Variants in C18orf32 observed in about 807,000 individuals in gnomAD.
C18orf32 encodes UPF0729 protein C18orf32.
In C18orf32, 5 loss-of-function variants were observed where a neutral mutation model predicts 7.4. The observed-to-expected ratio is 0.68, with a 90% confidence interval of 0.35 to 1.42. C18orf32 has a LOEUF of 1.42. Ranked by LOEUF, C18orf32 falls within the 40% of genes most tolerant of loss-of-function variation. The pLI, the probability that C18orf32 is intolerant of heterozygous loss-of-function variation, is 0.04. For missense variants in C18orf32, 88 were observed against 92.4 expected, an observed-to-expected ratio of 0.95 and a Z score of 0.19; for synonymous variants, 30 against 29.3, an observed-to-expected ratio of 1.02 and a Z score of -0.08.
rs1043626352 is a variant in C18orf32 at position 49,480,602 on chromosome 18, A to T, written c.*1743T>A. The T allele has an allele frequency of 6.6e-6, 1 of 151,704 alleles. No individual in the cohort carries two copies. Among genetic ancestry groups the T allele is most frequent in the African/African-American group, 2.4e-5 (1 of 41,296 alleles). The allele number at this position is 151,704 out of a possible 1,614,324, so 9.4% of individuals were successfully genotyped here. On this transcript the variant is annotated 3_prime_UTR_variant, in exon 3 of 3. Transcript: ENST00000318240. ...CAACATGACGAAACCCTGTCTCTAT[A>T]AAAAAAATTACAAAAAACATTAGCT...
At position 49,478,608 on chromosome 18, in the gene C18orf32, A is replaced by T. The variant is rs1227844343; in HGVS notation, c.*3737T>A. ...TATTTCAGGTTTATGCAGACCAGGT[A>T]GGTTTGTGTGTGTGAAACACCCATG... On this transcript the variant is annotated 3_prime_UTR_variant, in exon 3 of 3. Transcript: ENST00000318240. The T allele has an allele frequency of 6.7e-6, 1 of 150,294 alleles. No homozygotes were observed. The highest frequency in any genetic ancestry group is 1.5e-5 in the Non-Finnish European group (1 of 68,050). 9.3% of individuals were successfully genotyped at this position (150,294 alleles called of 1,614,324 possible).
rs1274586885 is a variant in C18orf32 at position 49,482,280 on chromosome 18, CAAGG to C, written c.*61_*64del. 1.7e-6 allele frequency: 2 copies of C among 1,148,936 alleles called. No individual in the cohort carries two copies. Among genetic ancestry groups the C allele is most frequent in the Non-Finnish European group, 2.6e-6 (2 of 760,388 alleles). 71.2% of individuals were successfully genotyped at this position (1,148,936 alleles called of 1,614,324 possible). On this transcript the variant is annotated 3_prime_UTR_variant, in exon 3 of 3. Coordinates refer to ENST00000318240, the MANE Select transcript of C18orf32 (RefSeq NM_001035005.4). ...CAGATAAAAAGGTCAGAGACAATTA[CAAGG>C]AAGATGCTTCATATTATCAGGTCCA...
chr18:49,484,163 TATATAC>T (rs1238708322), intron 1 of C18orf32, among the ~76,000 whole-genome samples: 15 of 66,856 alleles, frequency 2.2e-4, no homozygotes, highest in African/African-American at 8.3e-4. Context: ...TATATATATA[TATATAC>T]ACACACACAC....
At chr18:49,483,890 A>G in intron 1 of C18orf32, 119 bp from the exon 2 acceptor site, 1 of 1,185,386 alleles carries the variant, frequency 8.4e-7, no homozygotes, top group Non-Finnish European at 1.2e-6. Flanking sequence ...TAATCCCAGC[A>G]CTTTGGGAGG....
At chr18:49,482,779 T>TA (rs1371210594) in intron 2 of C18orf32, among the ~76,000 whole-genome samples, 1 of 148,756 alleles carries the variant, frequency 6.7e-6, no homozygotes, top group Non-Finnish European at 1.5e-5. Flanking sequence ...AAAAAGATAT[T>TA]AAGAGACATT....
chr18:49,485,949 C>A (rs2083737666), intron 1 of C18orf32: 1 of 151,748 alleles, frequency 6.6e-6, no homozygotes, highest in Non-Finnish European at 1.5e-5. Context: ...TGTGATGGCA[C>A]GCGCCTGTAG....
At position 49,483,673 on chromosome 18, in the gene C18orf32, G is replaced by A. The variant is rs1438164048; in HGVS notation, c.76C>T (p.Pro26Ser). 3.1e-6 allele frequency: 5 copies of A among 1,613,794 alleles called. No homozygotes were observed. Among genetic ancestry groups the A allele is most frequent in the African/African-American group, 1.3e-5 (1 of 74,994 alleles). ...YKKFLEPYIY[P>S]LVSPFVSRIW... ...CGACTAACGAAGGGGGAAACCAGAG[G>A]GTATATATATGGCTCCAGGAATTTT... Residue 26 changes from proline to serine, a missense_variant, in exon 2 of 3, where the codon CCT (proline) becomes TCT (serine). By Grantham distance (74) the Pro-to-Ser change is moderately conservative. Transcript: ENST00000318240.
chr18:49,480,127 A>G lies in C18orf32; in HGVS notation c.*2218T>C, dbSNP rs2083648857. On this transcript the variant is annotated 3_prime_UTR_variant, in exon 3 of 3. Coordinates refer to ENST00000318240, the MANE Select transcript of C18orf32 (RefSeq NM_001035005.4). ...ATCACTTTGAGGCCAGGAGTTTGAG[A>G]CTCGCTTGGGCAACAGAGCAAGACC... The G allele has an allele frequency of 6.6e-6, 1 of 151,870 alleles. No homozygotes were observed. The highest frequency in any genetic ancestry group is 2.4e-5 in the African/African-American group (1 of 41,264). The allele number at this position is 151,870 out of a possible 1,614,324, so 9.4% of individuals were successfully genotyped here.
At chr18:49,482,439 T>C in intron 2 of C18orf32, 29 bp from the exon 3 acceptor site, 1 of 1,562,830 alleles carries the variant, frequency 6.4e-7, no homozygotes, top group Non-Finnish European at 8.8e-7. Flanking sequence ...TTAGAAATTA[T>C]CATAACAAGC....
At chr18:49,482,475 T>A in intron 2 of C18orf32, 65 bp from the exon 3 acceptor site, 1 of 1,154,700 alleles carries the variant, frequency 8.7e-7, no homozygotes, top group East Asian at 2.4e-5. Flanking sequence ...ATGCCTGTAA[T>A]CCCAGCACTT....
At chr18:49,483,897 G>T (rs1488891695) in intron 1 of C18orf32, 126 bp from the exon 2 acceptor site, 1 of 1,097,886 alleles carries the variant, frequency 9.1e-7, no homozygotes, top group African/African-American at 1.6e-5. Context: ...AGCACTTTGG[G>T]AGGCAAGAGG....
intron 2 of C18orf32, among the ~76,000 whole-genome samples, chr18:49,483,053 C>T (rs1389179717): frequency 6.6e-6 from 1 of 152,100 alleles, no homozygotes; most frequent in Non-Finnish European, 1.5e-5. Context: ...CCCATCTTGA[C>T]CTCCCCAAGT....
rs545142602 is a variant in C18orf32 at position 49,481,722 on chromosome 18, T to G, written c.*623A>C. The G allele has an allele frequency of 5.9e-5, 9 of 152,338 alleles. No homozygotes were observed. Among genetic ancestry groups the G allele is most frequent in the Admixed American group, 5.9e-4 (9 of 15,298 alleles). 9.4% of individuals were successfully genotyped at this position (152,338 alleles called of 1,614,324 possible). A position where few individuals can be genotyped will look rare whatever the true frequency, so the allele number is the denominator to read the frequency against. On this transcript the variant is annotated 3_prime_UTR_variant, in exon 3 of 3. Coordinates refer to ENST00000318240, the MANE Select transcript of C18orf32 (RefSeq NM_001035005.4). Reference sequence around the variant, plus strand: ...GAAGAAATGCAGTAAGGATTAAAATTTTATAATTAGACATTAATGTAACAG... The same window carrying G: ...GAAGAAATGCAGTAAGGATTAAAATGTTATAATTAGACATTAATGTAACAG...
rs1474671773 is a variant in C18orf32, at chr18:49,483,782, ATGTG to A, written c.-23-15_-23-12del. The stretch of plus-strand genomic sequence containing the variant: ...GCTTGAGCTCCTCAACTGTTGATAT[ATGTG>A]AAGAAAAAAATTAGTTCATCACAGA... On this transcript the variant is annotated splice_polypyrimidine_tract_variant and intron_variant, in intron 1 of 2. Transcript: ENST00000318240. 6.3e-7 allele frequency: 1 copy of A among 1,584,078 alleles called. No individual in the cohort carries two copies. The highest frequency in any genetic ancestry group is 2.1e-5 in the Admixed American group (1 of 48,132).
At chr18:49,486,489 G>C (rs1267817668) in intron 1 of C18orf32, 1 of 151,954 alleles carries the variant, frequency 6.6e-6, no homozygotes, top group Non-Finnish European at 1.5e-5. Flanking sequence ...AAGCCTATTT[G>C]TATCTTATCT....
At chr18:49,482,562 A>C in intron 2 of C18orf32, 152 bp from the exon 3 acceptor site, 1 of 561,858 alleles carries the variant, frequency 1.8e-6, no homozygotes, top group Non-Finnish European at 3.1e-6. Context: ...CCCCGTCCCT[A>C]CTAAAAATAC....
At position 49,477,897 on chromosome 18, in the gene C18orf32, CTATATG is replaced by C. The variant is rs2083632325; in HGVS notation, c.*4442_*4447del. 1 of 142,338 alleles carries C rather than the reference CTATATG, an allele frequency of 7.0e-6. No individual in the cohort carries two copies. Among genetic ancestry groups the C allele is most frequent in the East Asian group, 2.0e-4 (1 of 5,050 alleles). The allele number at this position is 142,338 out of a possible 1,614,324, so 8.8% of individuals were successfully genotyped here. A position where few individuals can be genotyped will look rare whatever the true frequency, so the allele number is the denominator to read the frequency against. On this transcript the variant is annotated 3_prime_UTR_variant, in exon 3 of 3. Transcript: ENST00000318240. Reference sequence around the variant, plus strand: ...TATATATACACTATATATATATACACTATATGTATATACACTATATATATATACACA... The same window carrying C: ...TATATATACACTATATATATATACACTATATACACTATATATATATACACA...
At chr18:49,482,800 CTTTTT>C (rs11454920) in intron 2 of C18orf32, among the ~76,000 whole-genome samples, 1 of 130,192 alleles carries the variant, frequency 7.7e-6, no homozygotes, top group African/African-American at 2.9e-5. Context: ...CTGTCTCTCT[CTTTTT>C]TTTTTTTTTT....
At position 49,481,836 on chromosome 18, in the gene C18orf32, G is replaced by A. The variant is rs956648722; in HGVS notation, c.*509C>T. On this transcript the variant is annotated 3_prime_UTR_variant, in exon 3 of 3. Coordinates refer to ENST00000318240, the MANE Select transcript of C18orf32 (RefSeq NM_001035005.4). ...ATAAATAGTAATTACTATATTTGTG[G>A]ACAAGCTGCTCCACTGTGTTGGACA... is the stretch of plus-strand genomic sequence containing the variant. 2.6e-5 allele frequency: 4 copies of A among 152,136 alleles called. No individual in the cohort carries two copies. Among genetic ancestry groups the A allele is most frequent in the African/African-American group, 9.7e-5 (4 of 41,290 alleles). The allele number at this position is 152,136 out of a possible 1,614,324, so 9.4% of individuals were successfully genotyped here. A position where few individuals can be genotyped will look rare whatever the true frequency, so the allele number is the denominator to read the frequency against.
Sources: allele counts gnomAD v4.1 joint callset (sites outside exome capture counted in the v4.1 genomes callset), GRCh38; gene constraint gnomAD v4.1.1; transcripts MANE v1.5; gene names NCBI Gene and HGNC (gene_info 2026-07-23, HGNC 2026-07-21).